The following TMEM247 variants were observed in gnomAD, a reference collection of about 807,000 sequenced individuals.
The protein encoded by TMEM247 is transmembrane protein 247, also known as transmembrane protein ENSP00000343375.
TMEM247 carries 23 observed loss-of-function variants against 20.7 expected under a neutral mutation model. The ratio of observed to expected loss-of-function variants is 1.11; its 90% confidence interval spans 0.80 to 1.57. TMEM247 has a LOEUF of 1.57. TMEM247 is among the 40% of genes most tolerant of loss of function. TMEM247 has a pLI of 0.00. For synonymous variants in TMEM247, 106 were observed against 111.9 expected (o/e 0.95, Z 0.33); for missense variants, 354 against 283.8 (o/e 1.25, Z -1.78).
At position 46,480,635 on chromosome 2, in the gene TMEM247, G is replaced by A. The variant is rs921279567; in HGVS notation, c.348G>A (p.Thr116=). ...AGGTGCGCATGGAGTTCGAGCTCAC[G>A]CGGCTCAAGTACCTGCATGAGAAGA... Residue 116 remains threonine (T), a synonymous_variant, in exon 2 of 3, where the codon ACG becomes ACA. Transcript: ENST00000434431. The A allele has an allele frequency of 1.7e-5, 27 of 1,551,700 alleles. No individual in the cohort carries two copies. In the African/African-American group the frequency reaches 2.9e-4, roughly 17 times the overall value.
At chr2:46,484,131 G>A (rs1686942362) in intron 2 of TMEM247, 113 bp from the exon 3 acceptor site, 13 of 941,388 alleles carry the variant, frequency 1.4e-5, no homozygotes, top group Non-Finnish European at 1.9e-5. Flanking sequence ...CTTTCTTTAG[G>A]TGAAGATGAT....
At chr2:46,483,506 G>A (rs532929418) in intron 2 of TMEM247, among the ~76,000 whole-genome samples, 17 of 152,334 alleles carry the variant, frequency 1.1e-4, no homozygotes, top group African/African-American at 3.8e-4. Context: ...ATGTCATTGG[G>A]CCACTGTCCA....
chr2:46,482,482 T>C (rs1463384357), intron 2 of TMEM247, among the ~76,000 whole-genome samples: 1 of 152,258 alleles, frequency 6.6e-6, no homozygotes, highest in Non-Finnish European at 1.5e-5. Context: ...CCTTTTCAGT[T>C]TGAAAATCTT....
At chr2:46,484,250 G>C (rs1572686224) in exon 3 of TMEM247, 14 of 1,548,978 alleles carry the variant, frequency 9.0e-6, no homozygotes, top group Admixed American at 2.0e-5. Flanking sequence ...ACAGTTTTCA[G>C]GAGGCCTCCA....
At position 46,480,496 on chromosome 2, in the gene TMEM247, C is replaced by T. The variant is rs746955772; in HGVS notation, c.209C>T (p.Ser70Leu). The T allele has an allele frequency of 7.1e-6, 11 of 1,551,594 alleles. No individual in the cohort carries two copies. The South Asian group carries it at 9.5e-5, about 13-fold the overall frequency. The change falls in exon 2 of 3, where the codon TCG becomes TTG. Residue 70 changes from serine (S) to leucine (L), a missense_variant. Coordinates refer to ENST00000434431, the Ensembl canonical transcript of TMEM247. ...GGAGGCTGCCAAGGGCCGCTTAAAT[C>T]GCTGTCCCCCAAGTCCTGCCGTGCT...
At chr2:46,483,530 A>T (rs1163913145) in intron 2 of TMEM247, among the ~76,000 whole-genome samples, 1 of 152,192 alleles carries the variant, frequency 6.6e-6, no homozygotes, top group East Asian at 1.9e-4. Context: ...AACTAGGTTG[A>T]ATGTCAGGGC....
intron 2 of TMEM247, among the ~76,000 whole-genome samples, chr2:46,482,480 G>C (rs1262768499): frequency 1.3e-5 from 2 of 152,164 alleles, no homozygotes; most frequent in Non-Finnish European, 2.9e-5. Context: ...CCCCTTTTCA[G>C]TTTGAAAATC....
intron 2 of TMEM247, among the ~76,000 whole-genome samples, chr2:46,483,221 T>C (rs561816074): frequency 3.9e-5 from 6 of 152,364 alleles, no homozygotes; most frequent in African/African-American, 7.2e-5. Context: ...GCCTTACTTA[T>C]ACATTGATAC....
At chr2:46,484,135 A>T in intron 2 of TMEM247, 109 bp from the exon 3 acceptor site, 1 of 965,150 alleles carries the variant, frequency 1.0e-6, no homozygotes, top group Non-Finnish European at 1.5e-6. Flanking sequence ...CTTTAGGTGA[A>T]GATGATGACT....
At chr2:46,480,406 A>G in exon 2 of TMEM247, 1 of 1,540,608 alleles carries the variant, frequency 6.5e-7, no homozygotes, top group Non-Finnish European at 8.8e-7. Context: ...CTACGCCAGG[A>G]GGCAGAGTCC....
At position 46,480,754 on chromosome 2, in the gene TMEM247, C is replaced by G. The variant is rs769027858; in HGVS notation, c.467C>G (p.Ala156Gly). ...ATGGAGCAGCTGCAGCAAGAGGCGG[C>G]GCCCCGCCTGGTGGGTGACAAGGAA... Residue 156 changes from alanine (A) to glycine (G), a missense_variant, in exon 2 of 3, where the codon GCG becomes GGG. Coordinates refer to ENST00000434431, the Ensembl canonical transcript of TMEM247. The G allele has an allele frequency of 3.7e-6, 4 of 1,093,396 alleles. No individual in the cohort carries two copies. The African/African-American group carries it at 8.2e-5, about 22-fold the overall frequency. The allele number at this position is 1,093,396 out of a possible 1,614,324, so 67.7% of individuals were successfully genotyped here. A position where few individuals can be genotyped will look rare whatever the true frequency, so the allele number is the denominator to read the frequency against.
exon 2 of TMEM247, chr2:46,480,716 G>A (rs1686868664): frequency 6.4e-7 from 1 of 1,551,454 alleles, no homozygotes. Flanking sequence ...GGGAGCGGCA[G>A]CACGAGGTGG....
intron 2 of TMEM247, among the ~76,000 whole-genome samples, chr2:46,483,807 G>C (rs1430806741): frequency 6.6e-6 from 1 of 152,046 alleles, no homozygotes; most frequent in African/African-American, 2.4e-5. Flanking sequence ...ATTTTTTTAA[G>C]AAACAGGATC....
chr2:46,479,764 T>C (rs1213996713), intron 1 of TMEM247, 62 bp downstream of exon 1: 1 of 1,195,558 alleles, frequency 8.4e-7, no homozygotes, highest in African/African-American at 1.5e-5. Flanking sequence ...AAGAATACTG[T>C]AGGAACACAT....
rs1215544925 is a variant in TMEM247 at position 46,484,422 on chromosome 2, C to A, written c.656C>A (p.Ser219Ter). ...CTCTGTTTGATTAAAACTTTCTGGTCATACTTCCAAGTGCCTTTGCTCTCT... is the reference window on the plus strand; with the variant it reads ...CTCTGTTTGATTAAAACTTTCTGGTAATACTTCCAAGTGCCTTTGCTCTCT... The change falls in exon 3 of 3, where the codon TCA becomes TAA. Residue 219 changes from serine (S) to a stop codon, truncating the protein, a stop_gained. Coordinates refer to ENST00000434431, the Ensembl canonical transcript of TMEM247. LOFTEE classifies it high-confidence loss of function. The A allele has an allele frequency of 3.2e-6, 5 of 1,550,228 alleles. No homozygotes were observed. Among genetic ancestry groups the A allele is most frequent in the South Asian group, 1.2e-5 (1 of 83,658 alleles).
intron 2 of TMEM247, among the ~76,000 whole-genome samples, chr2:46,483,959 A>T (rs928961257): frequency 4.6e-5 from 7 of 151,902 alleles, no homozygotes; most frequent in East Asian, 1.9e-4. Flanking sequence ...GCTAATTTTT[A>T]AATTTTTTTT....
intron 1 of TMEM247, 33 bp from the exon 2 acceptor site, chr2:46,480,372 A>C (rs2103781491): frequency 6.6e-7 from 1 of 1,504,510 alleles, no homozygotes; most frequent in Non-Finnish European, 8.9e-7. Flanking sequence ...TGACTCTTCA[A>C]GGTACCTCCC....
At position 46,479,582 on chromosome 2, in the gene TMEM247, C is replaced by G. The variant is rs3814046; in HGVS notation, c.-4C>G. 433 of 1,551,314 alleles carry G rather than the reference C, an allele frequency of 2.8e-4. 3 individuals are homozygous for G. In the East Asian group the frequency reaches 0.01, roughly 36 times the overall value. ...CCCCACCTGGCAGCGTTCTGGTTTT[C>G]TGGATGGCAGCAGAGGACAGGGAGA... On this transcript the variant is annotated 5_prime_UTR_variant, in exon 1 of 3. Transcript: ENST00000434431.
intron 2 of TMEM247, among the ~76,000 whole-genome samples, chr2:46,481,314 T>C (rs1184892426): frequency 2.0e-5 from 3 of 152,218 alleles, no homozygotes; most frequent in Non-Finnish European, 4.4e-5. Context: ...AACAGCCATC[T>C]TTTCACAAGA....
Sources: gnomAD v4.1 joint callset for allele counts (sites outside exome capture counted in the v4.1 genomes callset) on GRCh38, gnomAD v4.1.1 for gene constraint, MANE v1.5 for transcripts, NCBI Gene and HGNC (gene_info 2026-07-23, HGNC 2026-07-21) for gene names.